REXO1: variants seen among roughly 807,000 people sequenced by gnomAD.
REXO1 encodes the protein REX1, RNA exonuclease 1 homolog.
In REXO1, 42 loss-of-function variants were observed where a neutral mutation model predicts 102.6. The ratio of observed to expected loss-of-function variants is 0.41; its 90% CI spans 0.32 to 0.53. The LOEUF is 0.53. Ranked by LOEUF, REXO1 falls within the 20% of genes least tolerant of loss-of-function variation. The probability of loss-of-function intolerance (pLI) is 0.27; values close to 1 mark genes in which losing one functional copy is unlikely to be tolerated. For synonymous variants in REXO1, 908 were observed against 779.1 expected (o/e 1.17, Z -2.76); for missense variants, 1,819 against 1,732.5 (o/e 1.05, Z -0.89).
intron 1 of REXO1, among the ~76,000 whole-genome samples, chr19:1,837,080 C>G (rs1235446452): frequency 6.6e-6 from 1 of 152,260 alleles, no homozygotes. Flanking sequence ...ATTCCCAAAA[C>G]AGCCACAGCG....
intron 1 of REXO1, among the ~76,000 whole-genome samples, chr19:1,847,515 T>A (rs2011599944): frequency 6.6e-6 from 1 of 152,214 alleles, no homozygotes; most frequent in South Asian, 2.1e-4. Flanking sequence ...CCTCTTTTTC[T>A]CCAATCCAAA....
At chr19:1,833,866 C>A (rs2069970237) in intron 1 of REXO1, among the ~76,000 whole-genome samples, 1 of 152,222 alleles carries the variant, frequency 6.6e-6, no homozygotes, top group South Asian at 2.1e-4. Context: ...GGTGACAGAG[C>A]ACAATTACTG....
chr19:1,817,028 G>A (rs1568678730), intron 12 of REXO1, among the ~76,000 whole-genome samples, 191 bp downstream of exon 12: 1 of 152,298 alleles, frequency 6.6e-6, no homozygotes, highest in Non-Finnish European at 1.5e-5. Context: ...GGGGCCCAGT[G>A]CCCGGTGTGC....
rs2069789006 is a variant in REXO1, at chr19:1,827,955, G to T, written c.834C>A (p.Pro278=). Residue 278 remains proline, a synonymous_variant, in exon 2 of 16, where the codon CCC becomes CCA. Transcript: ENST00000170168. ...YTPAPKKLCD[P]FGSCDARFSD... ...AGAACCTTGCATCGCAACTGCCAAAGGGGTCACAGAGCTTCTTGGGAGCAG... is the reference window on the plus strand; with the variant it reads ...AGAACCTTGCATCGCAACTGCCAAATGGGTCACAGAGCTTCTTGGGAGCAG... 1 of 1,613,610 alleles carries T rather than the reference G, an allele frequency of 6.2e-7. No individual in the cohort carries two copies. Among genetic ancestry groups the T allele is most frequent in the Non-Finnish European group, 8.5e-7 (1 of 1,179,882 alleles).
Position 1,823,724 on chromosome 19 carries a change from ACCT to A in REXO1, c.2075_2077del (p.Glu692del). 5 of 1,268,794 alleles carry A rather than the reference ACCT, an allele frequency of 3.9e-6. No individual in the cohort carries two copies. Among genetic ancestry groups the A allele is most frequent in the Non-Finnish European group, 5.0e-6 (5 of 1,000,232 alleles). 78.6% of individuals were successfully genotyped at this position (1,268,794 alleles called of 1,614,324 possible). Reference sequence around the variant, plus strand: ...CGCCTGCTGGGCCCGCAGGTAGCACACCTCCTGCGCCGTCGGGGGCCGGGCCGG... The same window carrying A: ...CGCCTGCTGGGCCCGCAGGTAGCACACCTGCGCCGTCGGGGGCCGGGCCGG... On this transcript the variant is annotated inframe_deletion, in exon 4 of 16. Transcript: ENST00000170168.
chr19:1,848,113 C>A, intron 1 of REXO1, 89 bp downstream of exon 1: 6 of 645,974 alleles, frequency 9.3e-6, no homozygotes, highest in Non-Finnish European at 1.3e-5. Flanking sequence ...GAGGCTGGGC[C>A]GAGAACGGGG....
At chr19:1,832,932 A>G (rs954453739) in intron 1 of REXO1, among the ~76,000 whole-genome samples, 21 of 145,454 alleles carry the variant, frequency 1.4e-4, no homozygotes, top group Non-Finnish European at 3.0e-4. Context: ...AAAAAAAAAA[A>G]AAAAATTACA....
At chr19:1,831,825 AC>A (rs1191985940) in intron 1 of REXO1, among the ~76,000 whole-genome samples, 1 of 143,588 alleles carries the variant, frequency 7.0e-6, no homozygotes, top group African/African-American at 2.7e-5. Context: ...ATCCTGGGCA[AC>A]AAGAGCAAAA....
At position 1,815,809 on chromosome 19, in the gene REXO1, C is replaced by G; in HGVS notation, c.*257G>C. 1 of 1,493,606 alleles carries G rather than the reference C, an allele frequency of 6.7e-7. No homozygotes were observed. 92.5% of individuals were successfully genotyped at this position (1,493,606 alleles called of 1,614,324 possible). On this transcript the variant is annotated 3_prime_UTR_variant, in exon 16 of 16. Coordinates refer to ENST00000170168, the MANE Select transcript of REXO1 (RefSeq NM_020695.4). The surrounding 1 kb of genome is among the most constrained non-coding windows in gnomAD (Gnocchi z 4.0). ...GGGCCGGGTGGGGGCGGGCTCTGTC[C>G]TGGTCTCCATCAGCAGCAGTTTCTA...
intron 1 of REXO1, among the ~76,000 whole-genome samples, chr19:1,843,528 G>A (rs2011394905): frequency 6.6e-6 from 1 of 152,170 alleles, no homozygotes; most frequent in Non-Finnish European, 1.5e-5. Flanking sequence ...AGCACCAACC[G>A]TCCCTCCAGC....
At chr19:1,817,363 G>A (rs749802516) in intron 11 of REXO1, 34 bp from the exon 12 acceptor site, 179 of 1,607,490 alleles carry the variant, frequency 1.1e-4, no homozygotes, top group Non-Finnish European at 1.4e-4. Flanking sequence ...GGGCAGCTTC[G>A]GGGTGCAGTG....
intron 1 of REXO1, among the ~76,000 whole-genome samples, chr19:1,840,027 G>C (rs923280847): frequency 6.6e-5 from 10 of 152,330 alleles, no homozygotes; most frequent in African/African-American, 2.4e-4. Flanking sequence ...AGGGGTCTCA[G>C]AAAAATGGAC....
At chr19:1,843,314 A>AC (rs1441026025) in intron 1 of REXO1, among the ~76,000 whole-genome samples, 3 of 150,118 alleles carry the variant, frequency 2.0e-5, no homozygotes, top group African/African-American at 4.9e-5. Context: ...CAAAGCTTCA[A>AC]CCCCCCGCCC....
chr19:1,827,460 C>T lies in REXO1; in HGVS notation c.1329G>A (p.Val443=), dbSNP rs1414215511. The change falls in exon 2 of 16, where the codon GTG becomes GTA. Residue 443 remains valine, a synonymous_variant. Transcript: ENST00000170168. Reference sequence around the variant, plus strand: ...CAGGCCTCCCTTTCCCTGAGGTGGCCACAGGAGTGGCCGAAGATGGCTTCT... The same window carrying T: ...CAGGCCTCCCTTTCCCTGAGGTGGCTACAGGAGTGGCCGAAGATGGCTTCT... ...TKKKPSSATP[V]ATSGKGRPDR... is the part of the protein sequence containing the mutation. The T allele has an allele frequency of 1.3e-6, 2 of 1,570,312 alleles. No homozygotes were observed. Among genetic ancestry groups the T allele is most frequent in the Non-Finnish European group, 1.7e-6 (2 of 1,169,096 alleles).
At position 1,826,486 on chromosome 19, in the gene REXO1, A is replaced by G. The variant is rs1300794449; in HGVS notation, c.1911+392T>C. On this transcript the variant is annotated intron_variant, in intron 2 of 15. Coordinates refer to ENST00000170168, the MANE Select transcript of REXO1 (RefSeq NM_020695.4). This position sits in a 1 kb window ranked among gnomAD's most constrained non-coding sequence, Gnocchi z 4.3. ...AGAAGAGACAGAGATGGGGGAAGGG[A>G]GGAGGGGAGAAGAGAGGGGGAAGGG... is the stretch of plus-strand genomic sequence containing the variant. 1.3e-5 allele frequency among the ~76,000 whole-genome samples: 1 copy of G among 78,036 alleles called. No individual in the cohort carries two copies. Among genetic ancestry groups the G allele is most frequent in the African/African-American group, 5.0e-5 (1 of 19,864 alleles). 51.2% of individuals were successfully genotyped at this position (78,036 alleles called of 152,430 possible).
chr19:1,818,993 T>C, intron 8 of REXO1, 25 bp downstream of exon 8: 1 of 1,586,366 alleles, frequency 6.3e-7, no homozygotes, highest in Non-Finnish European at 8.6e-7. Flanking sequence ...AAGCACCGTG[T>C]GGCAGAGCAG....
In REXO1 at chr19:1,816,736, G is replaced by A. The variant is rs759938280; in HGVS notation, c.3279C>T (p.Phe1093=). 1.2e-5 allele frequency: 20 copies of A among 1,612,844 alleles called. No individual in the cohort carries two copies. Among genetic ancestry groups the A allele is most frequent in the South Asian group, 6.6e-5 (6 of 91,066 alleles). Residue 1093 remains phenylalanine, a synonymous_variant, in exon 13 of 16, where the codon TTC becomes TTT. Coordinates refer to ENST00000170168, the MANE Select transcript of REXO1 (RefSeq NM_020695.4). Reference sequence around the variant, plus strand: ...CCACGATCTCGTTGTCAGGCTTCACGAAGGTGTCATAAACCACGTGCACGT... The same window carrying A: ...CCACGATCTCGTTGTCAGGCTTCACAAAGGTGTCATAAACCACGTGCACGT... ...DTDVHVVYDT[F]VKPDNEIVDY...
chr19:1,828,263 G>A lies in REXO1; in HGVS notation c.526C>T (p.Pro176Ser). 6.2e-7 allele frequency: 1 copy of A among 1,606,264 alleles called. No individual in the cohort carries two copies. The change falls in exon 2 of 16, where the codon CCG (proline) becomes TCG (serine). Residue 176 changes from proline to serine, a missense_variant. Transcript: ENST00000170168. ...GACGCCAGCGAGTACTTGCTGCCCG[G>A]CTCGGCAGGGGCGGCCAGTGGGGTG... Reference protein sequence around the residue: ...QPTPLAAPAEPGSKYSLASLD... With the variant: ...QPTPLAAPAESGSKYSLASLD...
At chr19:1,844,076 G>A (rs571440933) in intron 1 of REXO1, among the ~76,000 whole-genome samples, 10 of 152,358 alleles carry the variant, frequency 6.6e-5, no homozygotes, top group Admixed American at 2.6e-4. Context: ...CACCGACACC[G>A]GAGAGCCAGG....
Sources: gnomAD v4.1 joint callset for allele counts (sites outside exome capture counted in the v4.1 genomes callset) on GRCh38, gnomAD v4.1.1 for gene constraint, Gnocchi (gnomAD v3.1) non-coding constraint, MANE v1.5 for transcripts, NCBI Gene and HGNC (gene_info 2026-07-23, HGNC 2026-07-21) for gene names.